COL4A2: variants seen among roughly 807,000 people sequenced by gnomAD.
The protein encoded by COL4A2 is collagen alpha-2(IV) chain.
Under a neutral mutation model 200.2 loss-of-function variants are expected in COL4A2, and 99 were observed. That is an observed-to-expected ratio of 0.49 (90% confidence interval 0.42 to 0.58). The LOEUF is 0.58. COL4A2 is among the 20% of genes least tolerant of loss of function. COL4A2 has a pLI of 0.00. For synonymous variants in COL4A2, 897 were observed against 900.6 expected (o/e 1.00, Z 0.07); for missense variants, 1,950 against 2,314.1 (o/e 0.84, Z 3.23).
chr13:110,364,674 A>G (rs1411225926), intron 4 of COL4A2, among the ~76,000 whole-genome samples: 1 of 152,186 alleles, frequency 6.6e-6, no homozygotes, highest in African/African-American at 2.4e-5. Flanking sequence ...TCTTACTTTC[A>G]TGAAACCCTG....
chr13:110,460,552 GC>G (rs929844170), intron 22 of COL4A2, among the ~76,000 whole-genome samples: 2 of 152,244 alleles, frequency 1.3e-5, no homozygotes, highest in African/African-American at 4.8e-5. Context: ...CCCATTCTGT[GC>G]CCCTGAAATG....
intron 4 of COL4A2, among the ~76,000 whole-genome samples, chr13:110,364,326 G>A (rs1877648686): frequency 6.6e-6 from 1 of 152,198 alleles, no homozygotes; most frequent in Non-Finnish European, 1.5e-5. Context: ...CGCTGCAGGG[G>A]CTGTGGCAAC....
intron 3 of COL4A2, among the ~76,000 whole-genome samples, chr13:110,351,215 T>TG (rs1876942687): frequency 8.3e-6 from 1 of 120,546 alleles, no homozygotes; most frequent in Non-Finnish European, 2.0e-5. Flanking sequence ...CACCCAGCTA[T>TG]TCTTTTTGTT....
At chr13:110,464,554 A>G (rs1882156544) in intron 24 of COL4A2, among the ~76,000 whole-genome samples, 1 of 147,572 alleles carries the variant, frequency 6.8e-6, no homozygotes, top group Admixed American at 6.7e-5. Flanking sequence ...ACAGGGGTAC[A>G]CCACTTAATC....
At chr13:110,439,325 G>C (rs377203988) in intron 15 of COL4A2, among the ~76,000 whole-genome samples, 1 of 152,244 alleles carries the variant, frequency 6.6e-6, no homozygotes, top group East Asian at 1.9e-4. Flanking sequence ...GAGAGACACA[G>C]TAGAACATTA....
chr13:110,469,429 T>G, intron 28 of COL4A2, 105 bp downstream of exon 28: 2 of 1,200,950 alleles, frequency 1.7e-6, no homozygotes, highest in East Asian at 2.6e-5. Context: ...AGAAGCTGTT[T>G]TAACAAATAC....
chr13:110,392,420 C>T (rs774277326), intron 4 of COL4A2, among the ~76,000 whole-genome samples: 26 of 152,258 alleles, frequency 1.7e-4, no homozygotes, highest in Non-Finnish European at 1.9e-4. Context: ...ACAGAATACC[C>T]GAAGTCTGCA....
Position 110,439,829 on chromosome 13 carries a change from A to G in COL4A2, c.953A>G (p.Gln318Arg), listed in dbSNP as rs201690865. ...GLSGEKGSPG[Q>R]KGSRGLDGYQ... ...AGTGGTGAAAAAGGATCACCAGGAC[A>G]GAAGGTAAGTTGGATGCATGAACTG... Residue 318 changes from glutamine to arginine, a missense_variant, in exon 16 of 48, where the codon CAG becomes CGG. Gln to Arg is a conservative substitution (Grantham distance 43, BLOSUM62 1). Coordinates refer to ENST00000360467, the MANE Select transcript of COL4A2 (RefSeq NM_001846.4). The G allele has an allele frequency of 1.2e-6, 2 of 1,613,936 alleles. No homozygotes were observed. Among genetic ancestry groups the G allele is most frequent in the Admixed American group, 1.7e-5 (1 of 59,974 alleles).
In COL4A2 at chr13:110,346,949, C is replaced by T. The variant is rs548148677; in HGVS notation, c.100-10523C>T. Among the ~76,000 whole-genome samples, 9 of 152,362 alleles carry T rather than the reference C, an allele frequency of 5.9e-5. No individual in the cohort carries two copies. In the East Asian group the frequency reaches 7.7e-4, roughly 13 times the overall value. ...ACAGAGCCTCATCCCCTGCGCTTATCGTGGCTCACTGCCAAGTGCGAACAC... is the reference window on the plus strand; with the variant it reads ...ACAGAGCCTCATCCCCTGCGCTTATTGTGGCTCACTGCCAAGTGCGAACAC... On this transcript the variant is annotated intron_variant, in intron 3 of 47. Transcript: ENST00000360467.
chr13:110,390,263 T>C (rs1317509751), intron 4 of COL4A2, among the ~76,000 whole-genome samples: 2 of 152,238 alleles, frequency 1.3e-5, no homozygotes, highest in African/African-American at 2.4e-5. Context: ...TTCTAGGTCA[T>C]GTCCCATCAC....
chr13:110,480,199 A>C, intron 30 of COL4A2, 21 bp from the exon 31 acceptor site: 1 of 1,574,754 alleles, frequency 6.4e-7, no homozygotes, highest in African/African-American at 1.4e-5. Flanking sequence ...ACCCTGTTTG[A>C]TTTGCTCCTC....
At chr13:110,368,974 C>A (rs1336140502) in intron 4 of COL4A2, among the ~76,000 whole-genome samples, 2 of 151,976 alleles carry the variant, frequency 1.3e-5, no homozygotes, top group Non-Finnish European at 2.9e-5. Flanking sequence ...TTTGGGAGGC[C>A]GAGGAGGGCG....
intron 28 of COL4A2, among the ~76,000 whole-genome samples, chr13:110,470,852 G>A (rs1882444545): frequency 6.6e-6 from 1 of 152,182 alleles, no homozygotes; most frequent in African/African-American, 2.4e-5. Flanking sequence ...TTGTGTTGCA[G>A]CCCGTAGGGA....
At chr13:110,458,404 G>T (rs1881865769) in intron 21 of COL4A2, 1 of 312,782 alleles carries the variant, frequency 3.2e-6, no homozygotes, top group Admixed American at 4.9e-5. Flanking sequence ...CCTGGAGCCG[G>T]CTCCTCCCCT....
At chr13:110,421,414 C>T (rs1183704194) in intron 4 of COL4A2, among the ~76,000 whole-genome samples, 1 of 152,196 alleles carries the variant, frequency 6.6e-6, no homozygotes, top group Admixed American at 6.5e-5. Flanking sequence ...GAATATTATT[C>T]AGCCATCAGT....
In COL4A2 at chr13:110,501,594, T is replaced by A. The variant is rs1185562403; in HGVS notation, c.3761-74T>A. ...GGCTCTGGTCCACCACAGGTGATGGTGTGGAGGGAAAATAGTAGATTTGAA... is the reference window on the plus strand; with the variant it reads ...GGCTCTGGTCCACCACAGGTGATGGAGTGGAGGGAAAATAGTAGATTTGAA... On this transcript the variant is annotated intron_variant, in intron 40 of 47. Transcript: ENST00000360467. 2.4e-6 allele frequency: 3 copies of A among 1,234,466 alleles called. No individual in the cohort carries two copies. In the African/African-American group the frequency reaches 4.4e-5, roughly 18 times the overall value. The allele number at this position is 1,234,466 out of a possible 1,614,324, so 76.5% of individuals were successfully genotyped here.
At chr13:110,323,622 AG>A (rs1885334099) in intron 3 of COL4A2, among the ~76,000 whole-genome samples, 5 of 152,214 alleles carry the variant, frequency 3.3e-5, no homozygotes, top group Admixed American at 3.3e-4. Flanking sequence ...GCATACAATA[AG>A]GGCAGGTGGA....
chr13:110,421,821 A>G (rs1880263001), intron 4 of COL4A2, among the ~76,000 whole-genome samples: 1 of 152,254 alleles, frequency 6.6e-6, no homozygotes, highest in South Asian at 2.1e-4. Context: ...AGAAATAAAG[A>G]TGAGAAAGGG....
intron 20 of COL4A2, among the ~76,000 whole-genome samples, chr13:110,452,144 G>C (rs906852766): frequency 7.6e-6 from 1 of 131,672 alleles, no homozygotes; most frequent in African/African-American, 2.7e-5. Flanking sequence ...TTGTTTGTTT[G>C]TTTGTTTTGA....
Sources: gnomAD v4.1 joint callset for allele counts (sites outside exome capture counted in the v4.1 genomes callset) on GRCh38, gnomAD v4.1.1 for gene constraint, MANE v1.5 for transcripts, NCBI Gene and HGNC (gene_info 2026-07-23, HGNC 2026-07-21) for gene names.